PRSS57: variants seen among roughly 807,000 people sequenced by gnomAD.
PRSS57 encodes serine protease 57, also known as neutrophil serine protease 4.
PRSS57 carries 19 observed loss-of-function variants against 20.6 expected under a neutral mutation model. The observed-to-expected ratio is 0.92, with a 90% CI of 0.64 to 1.35. The LOEUF (loss-of-function observed/expected upper bound fraction) is 1.35. Ranked by LOEUF, PRSS57 falls within the 40% of genes most tolerant of loss-of-function variation. The probability of loss-of-function intolerance (pLI) is 0.00; values close to 1 mark genes in which losing one functional copy is unlikely to be tolerated. For missense variants in PRSS57, 440 were observed against 403.7 expected, an observed-to-expected ratio of 1.09 and a Z score of -0.77; for synonymous variants, 203 against 176.6, an observed-to-expected ratio of 1.15 and a Z score of -1.19.
At chr19:690,858 T>A (rs2031625087) in intron 3 of PRSS57, 1 of 354,770 alleles carries the variant, frequency 2.8e-6, no homozygotes, top group Non-Finnish European at 5.4e-6. Flanking sequence ...CCTGGCAAGG[T>A]GACAGGCCGC....
At chr19:690,051 T>C (rs2031598122) in intron 3 of PRSS57, among the ~76,000 whole-genome samples, 1 of 146,822 alleles carries the variant, frequency 6.8e-6, no homozygotes, top group Non-Finnish European at 1.5e-5. Flanking sequence ...AGACTCCGTC[T>C]CAAAAAATAG....
At chr19:694,990 C>G in intron 1 of PRSS57, 23 bp from the exon 2 acceptor site, 1 of 1,505,574 alleles carries the variant, frequency 6.6e-7, no homozygotes, top group African/African-American at 1.4e-5. Flanking sequence ...CGGCCTGAGT[C>G]AGGGACGAGG....
intron 3 of PRSS57, among the ~76,000 whole-genome samples, chr19:690,191 A>G (rs896625940): frequency 4.7e-5 from 7 of 147,388 alleles, no homozygotes; most frequent in African/African-American, 1.0e-4. Context: ...GGCGCCTGTA[A>G]TCCCAGCTAC....
intron 2 of PRSS57, 47 bp downstream of exon 2, chr19:694,767 G>T: frequency 6.4e-7 from 1 of 1,557,374 alleles, no homozygotes; most frequent in Non-Finnish European, 8.7e-7. Context: ...TCCCCCTCAT[G>T]TCGGGATACG....
intron 2 of PRSS57, among the ~76,000 whole-genome samples, chr19:693,976 G>T (rs550592011): frequency 6.6e-6 from 1 of 152,020 alleles, no homozygotes; most frequent in Non-Finnish European, 1.5e-5. Flanking sequence ...TCCTGACCTC[G>T]TGATCCTCCT....
intron 3 of PRSS57, among the ~76,000 whole-genome samples, chr19:689,220 A>ATGG (rs1568207866): frequency 3.1e-5 from 2 of 64,862 alleles, no homozygotes; most frequent in Non-Finnish European, 6.5e-5. Flanking sequence ...GCAGGTGACG[A>ATGG]CGGGGTGGTC....
At chr19:692,664 G>C (rs539804934) in intron 2 of PRSS57, among the ~76,000 whole-genome samples, 51 of 151,698 alleles carry the variant, frequency 3.4e-4, no homozygotes, top group African/African-American at 1.2e-3. Flanking sequence ...TGATCCACCT[G>C]CCTCGGCCTC....
At chr19:694,154 G>A (rs1004399482) in intron 2 of PRSS57, among the ~76,000 whole-genome samples, 8 of 151,978 alleles carry the variant, frequency 5.3e-5, no homozygotes, top group Non-Finnish European at 1.0e-4. Context: ...GCAGGCTGGC[G>A]GGGGAGCTGG....
intron 1 of PRSS57, among the ~76,000 whole-genome samples, 160 bp from the exon 2 acceptor site, chr19:695,127 C>A (rs751244839): frequency 1.3e-5 from 2 of 152,142 alleles, no homozygotes; most frequent in African/African-American, 4.8e-5. Flanking sequence ...ACAAGCCCCC[C>A]AGATGCGCTG....
chr19:692,696 C>T (rs139104409), intron 2 of PRSS57, among the ~76,000 whole-genome samples: 2,041 of 151,640 alleles, frequency 0.013, 35 homozygotes, highest in African/African-American at 0.043. Context: ...GGATTACAGG[C>T]GTGAGCCACG....
At chr19:693,992 G>A (rs180985518) in intron 2 of PRSS57, among the ~76,000 whole-genome samples, 12 of 151,926 alleles carry the variant, frequency 7.9e-5, no homozygotes, top group Admixed American at 5.2e-4. Context: ...CTCCTGCCTC[G>A]GCCTCCCAAA....
intron 4 of PRSS57, among the ~76,000 whole-genome samples, 160 bp from the exon 5 acceptor site, chr19:686,082 AC>A (rs1394271847): frequency 6.6e-6 from 1 of 151,266 alleles, no homozygotes; most frequent in African/African-American, 2.4e-5. Flanking sequence ...CCCAGCCCCC[AC>A]CCACTTCTCT....
At chr19:686,793 C>G in intron 4 of PRSS57, 132 bp downstream of exon 4, 2 of 1,199,694 alleles carry the variant, frequency 1.7e-6, no homozygotes, top group Non-Finnish European at 2.3e-6. Flanking sequence ...CCTGCCTTCC[C>G]TGGGCCTCAG....
At chr19:687,605 C>T (rs752058191) in intron 3 of PRSS57, among the ~76,000 whole-genome samples, 43 of 152,060 alleles carry the variant, frequency 2.8e-4, no homozygotes, top group Non-Finnish European at 5.4e-4. Flanking sequence ...GGGGTTTCAC[C>T]CTGTTGGCCA....
chr19:685,790 C>G lies in PRSS57; in HGVS notation c.775G>C (p.Asp259His). The G allele has an allele frequency of 6.4e-7, 1 of 1,567,388 alleles. No homozygotes were observed. The highest frequency in any genetic ancestry group is 8.7e-7 in the Non-Finnish European group (1 of 1,155,314). ...QVSAFVAWIW[D>H]VVRRSSPQPG... The stretch of plus-strand genomic sequence containing the variant: ...TGGGGACTGCTCCGCCGAACCACGT[C>G]CCAGATCCAGGCCACAAAGGCGGAC... Residue 259 changes from aspartate to histidine, a missense_variant, in exon 5 of 5, where the codon GAC becomes CAC. Transcript: ENST00000329267.
chr19:687,016 G>A lies in PRSS57; in HGVS notation c.551C>T (p.Pro184Leu), dbSNP rs141818540. ...LMEAKVRVLD[P>L]DVCNSSWKGH... ...CTTCCAGGAGCTGTTGCAGACGTCC[G>A]GGTCCAGCACTCGGACCTTGGCCTC... The change falls in exon 4 of 5, where the codon CCG (proline) becomes CTG (leucine). Residue 184 changes from proline to leucine, a missense_variant. Transcript: ENST00000329267. The A allele has an allele frequency of 2.4e-5, 39 of 1,613,954 alleles. No individual in the cohort carries two copies. Among genetic ancestry groups the A allele is most frequent in the Admixed American group, 2.0e-4 (12 of 59,992 alleles).
Position 695,383 on chromosome 19 carries a change from GGCC to G in PRSS57, c.45_47del (p.Ala16del). On this transcript the variant is annotated inframe_deletion, in exon 1 of 5. Coordinates refer to ENST00000329267, the MANE Select transcript of PRSS57 (RefSeq NM_001308209.2). Reference sequence around the variant, plus strand: ...GCTTCACGGGCAGCATCAGGGCGGTGGCCACAGTCAGCAGAGGACGTCCCCAGC... The same window carrying G: ...GCTTCACGGGCAGCATCAGGGCGGTGACAGTCAGCAGAGGACGTCCCCAGC... 5.5e-6 allele frequency: 7 copies of G among 1,282,860 alleles called. No individual in the cohort carries two copies. The highest frequency in any genetic ancestry group is 3.6e-5 in the Admixed American group (1 of 28,104). 79.5% of individuals were successfully genotyped at this position (1,282,860 alleles called of 1,614,324 possible). A position where few individuals can be genotyped will look rare whatever the true frequency, so the allele number is the denominator to read the frequency against.
Position 692,021 on chromosome 19 carries a change from G to A in PRSS57, c.234-19C>T. ...GAGGTCTCTGCAGGGAGGAGGTGGT[G>A]GGTGAGACGGGGGTGAGGGCTGCCC... On this transcript the variant is annotated intron_variant, in intron 2 of 4. Coordinates refer to ENST00000329267, the MANE Select transcript of PRSS57 (RefSeq NM_001308209.2). 1.5e-6 allele frequency: 2 copies of A among 1,304,936 alleles called. No individual in the cohort carries two copies. The highest frequency in any genetic ancestry group is 2.0e-6 in the Non-Finnish European group (2 of 1,018,956). 80.8% of individuals were successfully genotyped at this position (1,304,936 alleles called of 1,614,324 possible). A position where few individuals can be genotyped will look rare whatever the true frequency, so the allele number is the denominator to read the frequency against.
intron 4 of PRSS57, 65 bp downstream of exon 4, chr19:686,860 T>A: frequency 6.4e-7 from 1 of 1,556,188 alleles, no homozygotes; most frequent in Admixed American, 1.8e-5. Flanking sequence ...TTCCTGGCCC[T>A]GACCCTCTCT....
Sources: gnomAD v4.1 joint callset for allele counts (sites outside exome capture counted in the v4.1 genomes callset) on GRCh38, gnomAD v4.1.1 for gene constraint, MANE v1.5 for transcripts, NCBI Gene and HGNC (gene_info 2026-07-23, HGNC 2026-07-21) for gene names.